The following CPVL variants were observed in gnomAD, a reference collection of about 807,000 sequenced individuals.
CPVL encodes carboxypeptidase vitellogenic like.
In CPVL, 51 loss-of-function variants were observed where a neutral mutation model predicts 63.7. The ratio of observed to expected loss-of-function variants is 0.80; its 90% CI spans 0.64 to 1.01. The LOEUF is 1.01. Among genes scored for constraint, CPVL ranks in the 50% least tolerant of loss-of-function variants. CPVL has a pLI of 0.00. For synonymous variants in CPVL, 195 were observed against 206.0 expected (o/e 0.95, Z 0.46); for missense variants, 530 against 573.1 (o/e 0.92, Z 0.77).
At chr7:29,062,314 G>A (rs1782693699) in intron 11 of CPVL, among the ~76,000 whole-genome samples, 1 of 152,162 alleles carries the variant, frequency 6.6e-6, no homozygotes, top group African/African-American at 2.4e-5. Context: ...AGAGCTCAGA[G>A]GAGAGGACAA....
At chr7:29,078,580 T>C (rs976042852) in intron 7 of CPVL, among the ~76,000 whole-genome samples, 2 of 152,264 alleles carry the variant, frequency 1.3e-5, no homozygotes, top group Admixed American at 1.3e-4. Context: ...TGAAGCTGCA[T>C]AATGGATGTA....
chr7:29,002,220 AATTGGAGTTG>A (rs988551041), intron 12 of CPVL, among the ~76,000 whole-genome samples: 4 of 152,292 alleles, frequency 2.6e-5, no homozygotes, highest in Non-Finnish European at 5.9e-5. Context: ...AACAACAAAA[AATTGGAGTTG>A]CAAGCCTGTC....
chr7:29,173,802 G>T lies in CPVL; in HGVS notation c.-11+7488C>A, dbSNP rs1455862643. 2.0e-5 allele frequency among the ~76,000 whole-genome samples: 3 copies of T among 151,630 alleles called. No homozygotes were observed. In the East Asian group the frequency reaches 5.8e-4, roughly 29 times the overall value. ...AAAAAAAAAAAAAAATTAGTCGAGTGTGGTGGTTCATGCCTGTAATCCCAT... is the reference window on the plus strand; with the variant it reads ...AAAAAAAAAAAAAAATTAGTCGAGTTTGGTGGTTCATGCCTGTAATCCCAT... On this transcript the variant is annotated intron_variant, in intron 5 of 16. Transcript: ENST00000409850.
chr7:29,128,533 C>G lies in CPVL; in HGVS notation c.-10-7462G>C, dbSNP rs141541394. Among the ~76,000 whole-genome samples, 12 of 151,786 alleles carry G rather than the reference C, an allele frequency of 7.9e-5. No individual in the cohort carries two copies. In the East Asian group the frequency reaches 2.3e-3, roughly 30 times the overall value. On this transcript the variant is annotated intron_variant, in intron 1 of 12. Transcript: ENST00000265394. ...GAGTTTAAGATCAGCCTGGCCAACACGGTGAAACCCTGTCTCTATTAAAAA... is the reference window on the plus strand; with the variant it reads ...GAGTTTAAGATCAGCCTGGCCAACAGGGTGAAACCCTGTCTCTATTAAAAA...
intron 1 of CPVL, among the ~76,000 whole-genome samples, chr7:29,188,948 C>CTTTTTTT (rs11376135): frequency 9.2e-5 from 12 of 129,978 alleles, no homozygotes; most frequent in African/African-American, 3.5e-4. Context: ...TTCCTCATAC[C>CTTTTTTT]TTTTTTTTTT....
chr7:29,017,555 C>G (rs1054864244), intron 12 of CPVL, among the ~76,000 whole-genome samples: 1 of 152,194 alleles, frequency 6.6e-6, no homozygotes, highest in African/African-American at 2.4e-5. Flanking sequence ...ATCACTTGCA[C>G]CTGGGAGGTG....
chr7:29,073,225 C>A (rs1783920262), intron 7 of CPVL, among the ~76,000 whole-genome samples: 1 of 152,162 alleles, frequency 6.6e-6, no homozygotes, highest in African/African-American at 2.4e-5. Context: ...CCTGCTCAGG[C>A]CAACAATCTT....
chr7:29,069,247 C>A (rs1435680399), intron 9 of CPVL, among the ~76,000 whole-genome samples: 1 of 151,302 alleles, frequency 6.6e-6, no homozygotes, highest in Non-Finnish European at 1.5e-5. Context: ...TGAGACCAGC[C>A]CAGCCAACAC....
rs571413225 is a variant in CPVL, at chr7:29,091,434, C to T, written c.542+1189G>A. Among the ~76,000 whole-genome samples the T allele has an allele frequency of 1.1e-4, 17 of 152,242 alleles. No individual in the cohort carries two copies. The South Asian group carries it at 3.5e-3, about 32-fold the overall frequency. On this transcript the variant is annotated intron_variant, in intron 6 of 12. Transcript: ENST00000265394. ...TGGGGGCGGGGAGTAGGTTTCTAATCTGAAGAAAGAGAGCACACAGTGCCA... is the reference window on the plus strand; with the variant it reads ...TGGGGGCGGGGAGTAGGTTTCTAATTTGAAGAAAGAGAGCACACAGTGCCA...
In CPVL at chr7:29,074,146, C is replaced by T. The variant is rs77203152; in HGVS notation, c.610-1723G>A. 9.0e-3 allele frequency among the ~76,000 whole-genome samples: 1,368 copies of T among 152,232 alleles called. 16 individuals are homozygous for T. Among genetic ancestry groups the T allele is most frequent in the African/African-American group, 0.032 (1,310 of 41,534 alleles). On this transcript the variant is annotated intron_variant, in intron 7 of 12. Coordinates refer to ENST00000265394, the MANE Select transcript of CPVL (RefSeq NM_031311.5). ...GAGCCAGAATTACACCTGAGCTGAC[C>T]GACTCCAAAACCTAAACTCCTTCCA...
intron 11 of CPVL, among the ~76,000 whole-genome samples, chr7:29,063,860 C>T (rs1782877229): frequency 6.6e-6 from 1 of 151,722 alleles, no homozygotes; most frequent in African/African-American, 2.4e-5. Context: ...GTATAAGTCA[C>T]CACAACGGCA....
intron 11 of CPVL, among the ~76,000 whole-genome samples, chr7:29,058,086 T>G (rs549337687): frequency 1.3e-5 from 2 of 152,280 alleles, no homozygotes; most frequent in African/African-American, 4.8e-5. Context: ...ATTGGGATTG[T>G]ATTGAATCTA....
chr7:29,157,173 T>C (rs1794490379), intron 5 of CPVL, among the ~76,000 whole-genome samples: 1 of 152,108 alleles, frequency 6.6e-6, no homozygotes. Flanking sequence ...CCACTTAACA[T>C]CCTAATCACC....
intron 11 of CPVL, among the ~76,000 whole-genome samples, chr7:29,061,653 T>C (rs965888542): frequency 2.0e-5 from 3 of 151,962 alleles, no homozygotes; most frequent in African/African-American, 7.3e-5. Context: ...TCTAGTTAAA[T>C]TTGTACAGTG....
In CPVL at chr7:29,086,479, CT is replaced by C; in HGVS notation, c.609+4del. The C allele has an allele frequency of 6.2e-7, 1 of 1,606,228 alleles. No individual in the cohort carries two copies. The highest frequency in any genetic ancestry group is 1.1e-5 in the South Asian group (1 of 90,868). On this transcript the variant is annotated splice_donor_region_variant and intron_variant, in intron 7 of 12. Coordinates refer to ENST00000265394, the MANE Select transcript of CPVL (RefSeq NM_031311.5). ...AGCACACAAGGAAACGTGACTTCTACTTACCTCCCCAGTGACATAAAAGTCA... is the reference window on the plus strand; with the variant it reads ...AGCACACAAGGAAACGTGACTTCTACTACCTCCCCAGTGACATAAAAGTCA...
chr7:29,006,242 A>C (rs1375983196), intron 12 of CPVL, among the ~76,000 whole-genome samples: 1 of 152,200 alleles, frequency 6.6e-6, no homozygotes, highest in African/African-American at 2.4e-5. Context: ...AATACTACAA[A>C]TCAGTGCCCT....
At chr7:29,071,149 A>G (rs965016055) in intron 9 of CPVL, among the ~76,000 whole-genome samples, 2 of 152,198 alleles carry the variant, frequency 1.3e-5, no homozygotes, top group African/African-American at 4.8e-5. Flanking sequence ...GTATCCTAAT[A>G]TTTAGTATAT....
intron 12 of CPVL, chr7:29,011,217 G>A (rs1249502259): frequency 6.6e-6 from 1 of 152,210 alleles, no homozygotes; most frequent in Non-Finnish European, 1.5e-5. Context: ...ATCTGTTTCT[G>A]TGCTACAGTC....
intron 4 of CPVL, among the ~76,000 whole-genome samples, chr7:29,183,907 A>C (rs1046997471): frequency 2.0e-5 from 3 of 152,230 alleles, no homozygotes; most frequent in Non-Finnish European, 2.9e-5. Context: ...ATTAAAAATG[A>C]TACAAATAAA....
Sources: allele counts gnomAD v4.1 joint callset (sites outside exome capture counted in the v4.1 genomes callset), GRCh38; gene constraint gnomAD v4.1.1; transcripts MANE v1.5; gene names NCBI Gene and HGNC (gene_info 2026-07-23, HGNC 2026-07-21).